Variants in PDE6C observed in about 807,000 individuals in gnomAD.
PDE6C encodes cone cGMP-specific 3',5'-cyclic phosphodiesterase subunit alpha'.
A neutral mutation model predicts 113.1 loss-of-function variants in PDE6C; 75 were observed. The observed-to-expected ratio is 0.66, with a 90% CI of 0.55 to 0.80. The LOEUF is 0.80. Ranked by LOEUF, PDE6C falls within the 30% of genes least tolerant of loss-of-function variation. PDE6C has a pLI of 0.00. For synonymous variants in PDE6C, 375 were observed against 363.7 expected (o/e 1.03, Z -0.35); for missense variants, 912 against 1,038.6 (o/e 0.88, Z 1.67).
intron 3 of PDE6C, among the ~76,000 whole-genome samples, chr10:93,621,610 C>T (rs891345082): frequency 1.3e-5 from 2 of 152,102 alleles, no homozygotes; most frequent in East Asian, 1.9e-4. Flanking sequence ...AGTGGGCCAC[C>T]GATACTGGAT....
intron 8 of PDE6C, 58 bp downstream of exon 8, chr10:93,629,363 T>A: frequency 7.8e-7 from 1 of 1,276,836 alleles, no homozygotes; most frequent in Non-Finnish European, 1.1e-6. Context: ...GAGTGGATGC[T>A]CTCGCCTCTC....
chr10:93,625,078 C>A (rs1334789910), intron 4 of PDE6C, among the ~76,000 whole-genome samples: 1 of 152,170 alleles, frequency 6.6e-6, no homozygotes, highest in Non-Finnish European at 1.5e-5. Context: ...GATCTAGGCA[C>A]CTCATGTAGA....
intron 11 of PDE6C, among the ~76,000 whole-genome samples, chr10:93,638,872 G>C (rs2058546230): frequency 1.3e-5 from 2 of 152,166 alleles, no homozygotes. Flanking sequence ...CCCAGGCTCA[G>C]GGGCTGGGGG....
chr10:93,660,517 G>C (rs1447905466), intron 18 of PDE6C, among the ~76,000 whole-genome samples: 1 of 152,116 alleles, frequency 6.6e-6, no homozygotes, highest in Non-Finnish European at 1.5e-5. Context: ...GGGAAGGTCA[G>C]AAAATCCTTA....
chr10:93,654,791 T>TTTCTTTCC (rs1554891577), intron 15 of PDE6C, among the ~76,000 whole-genome samples: 8 of 104,564 alleles, frequency 7.7e-5, no homozygotes, highest in African/African-American at 2.4e-4. Flanking sequence ...TCTTTCTTTC[T>TTTCTTTCC]TTCTTTCTTT....
chr10:93,642,367 A>G (rs1174766241), intron 14 of PDE6C, among the ~76,000 whole-genome samples: 2 of 152,170 alleles, frequency 1.3e-5, no homozygotes, highest in Non-Finnish European at 1.5e-5. Context: ...CAGTCTCGGA[A>G]AATAAATAAA....
intron 13 of PDE6C, 25 bp from the exon 14 acceptor site, chr10:93,640,895 A>G: frequency 1.5e-6 from 2 of 1,335,750 alleles, no homozygotes; most frequent in Non-Finnish European, 2.2e-6. Context: ...AATTATAGAT[A>G]TGCATATATA....
At chr10:93,628,334 T>A (rs1282191246) in intron 7 of PDE6C, among the ~76,000 whole-genome samples, 1 of 152,080 alleles carries the variant, frequency 6.6e-6, no homozygotes, top group East Asian at 1.9e-4. Flanking sequence ...CCTGTAATCG[T>A]AGCACTTTGG....
At chr10:93,655,059 AC>A (rs2058630090) in intron 15 of PDE6C, among the ~76,000 whole-genome samples, 1 of 151,768 alleles carries the variant, frequency 6.6e-6, no homozygotes. Context: ...CAAGCCATCT[AC>A]CCACCTCCGC....
In PDE6C at chr10:93,637,055, G is replaced by C; in HGVS notation, c.1474G>C (p.Ala492Pro). The C allele has an allele frequency of 6.3e-7, 1 of 1,586,378 alleles. No individual in the cohort carries two copies. Among genetic ancestry groups the C allele is most frequent in the Non-Finnish European group, 8.7e-7 (1 of 1,155,136 alleles). ...IDDCEEKQLV[A>P]ILKEDLPDPR... ...CGACTGTGAAGAAAAACAACTTGTT[G>C]CAATTTTGGTAAGTGTTTTCTTTCT... Residue 492 changes from alanine (A) to proline (P), a missense_variant, in exon 11 of 22, where the codon GCA (alanine) becomes CCA (proline). Coordinates refer to ENST00000371447, the MANE Select transcript of PDE6C (RefSeq NM_006204.4).
At chr10:93,633,664 G>A (rs1378597227) in intron 8 of PDE6C, among the ~76,000 whole-genome samples, 4 of 151,944 alleles carry the variant, frequency 2.6e-5, no homozygotes, top group Non-Finnish European at 5.9e-5. Flanking sequence ...TACCACAGAG[G>A]CTTGACAAAT....
At chr10:93,622,190 C>A in intron 4 of PDE6C, 118 bp downstream of exon 4, 1 of 1,082,792 alleles carries the variant, frequency 9.2e-7, no homozygotes, top group Non-Finnish European at 1.4e-6. Flanking sequence ...TGATTGATGA[C>A]AAGAACAGAG....
chr10:93,623,626 A>AT (rs1466897090), intron 4 of PDE6C, among the ~76,000 whole-genome samples: 2 of 152,090 alleles, frequency 1.3e-5, no homozygotes, highest in East Asian at 3.8e-4. Context: ...ATTTTGAGTT[A>AT]TTTTTTGTGA....
intron 15 of PDE6C, among the ~76,000 whole-genome samples, chr10:93,650,539 T>A (rs1426685290): frequency 6.6e-6 from 1 of 152,232 alleles, no homozygotes; most frequent in Non-Finnish European, 1.5e-5. Flanking sequence ...TGAGTCACTG[T>A]GCCCAGTCAA....
intron 3 of PDE6C, among the ~76,000 whole-genome samples, chr10:93,621,431 G>A (rs1308633346): frequency 6.6e-6 from 1 of 152,176 alleles, no homozygotes; most frequent in East Asian, 1.9e-4. Context: ...AGATACCTAG[G>A]TCTGGCCCAC....
intron 15 of PDE6C, among the ~76,000 whole-genome samples, chr10:93,649,381 A>G (rs528611589): frequency 2.4e-4 from 36 of 152,234 alleles, no homozygotes; most frequent in Non-Finnish European, 5.1e-4. Context: ...AAACGATAGG[A>G]AAACATCAAA....
chr10:93,654,716 G>A (rs1475455371), intron 15 of PDE6C, among the ~76,000 whole-genome samples: 2 of 150,744 alleles, frequency 1.3e-5, no homozygotes, highest in African/African-American at 4.9e-5. Context: ...GGAATAACTG[G>A]GCTTTAAGAA....
chr10:93,655,587 T>C (rs1404984564), intron 15 of PDE6C, among the ~76,000 whole-genome samples, 173 bp from the exon 16 acceptor site: 1 of 88,082 alleles, frequency 1.1e-5, no homozygotes, highest in Non-Finnish European at 2.0e-5. Context: ...GCTTAGTCCA[T>C]GAGATAAAAA....
chr10:93,617,773 T>C (rs2058426591), intron 1 of PDE6C, among the ~76,000 whole-genome samples: 1 of 152,024 alleles, frequency 6.6e-6, no homozygotes, highest in African/African-American at 2.4e-5. Flanking sequence ...AAACTCTGTC[T>C]CAAAAAAAAG....
Sources: gnomAD v4.1 joint callset for allele counts (sites outside exome capture counted in the v4.1 genomes callset) on GRCh38, gnomAD v4.1.1 for gene constraint, MANE v1.5 for transcripts, NCBI Gene and HGNC (gene_info 2026-07-23, HGNC 2026-07-21) for gene names.